The following ST3GAL3 variants were observed in gnomAD, a reference collection of about 807,000 sequenced individuals.
ST3GAL3 encodes ST3 beta-galactoside alpha-2,3-sialyltransferase 3.
In ST3GAL3, 21 loss-of-function variants were observed where a neutral mutation model predicts 50.1. That is an observed-to-expected ratio of 0.42 (90% CI 0.30 to 0.60). ST3GAL3 has a LOEUF of 0.60. Among genes scored for constraint, ST3GAL3 ranks in the 20% least tolerant of loss-of-function variants. The probability of loss-of-function intolerance (pLI) is 0.19; values close to 1 mark genes in which losing one functional copy is unlikely to be tolerated. For missense variants in ST3GAL3, 353 were observed against 489.4 expected (o/e 0.72, Z 2.63); for synonymous variants, 183 against 190.0 (o/e 0.96, Z 0.30).
intron 1 of ST3GAL3, among the ~76,000 whole-genome samples, chr1:43,710,561 G>T (rs766147907): frequency 6.6e-6 from 1 of 152,156 alleles, no homozygotes; most frequent in Non-Finnish European, 1.5e-5. Context: ...CCCATTATCT[G>T]TTGCGTTAGG....
intron 5 of ST3GAL3, among the ~76,000 whole-genome samples, chr1:43,870,178 G>A (rs954624634): frequency 2.0e-5 from 3 of 152,226 alleles, no homozygotes; most frequent in African/African-American, 7.2e-5. Flanking sequence ...AAATTAGGGG[G>A]AATGCCTGCC....
At chr1:43,732,176 C>T (rs1235713941) in intron 1 of ST3GAL3, among the ~76,000 whole-genome samples, 1 of 152,162 alleles carries the variant, frequency 6.6e-6, no homozygotes, top group Non-Finnish European at 1.5e-5. Context: ...TTCTCCTGCC[C>T]TGGCAGATAC....
intron 2 of ST3GAL3, among the ~76,000 whole-genome samples, chr1:43,764,961 C>T (rs1485899743): frequency 6.6e-6 from 1 of 152,206 alleles, no homozygotes; most frequent in Non-Finnish European, 1.5e-5. Context: ...CAGCTTTAGA[C>T]AGAATTGCTT....
chr1:43,710,903 A>G (rs1169671152), intron 1 of ST3GAL3, among the ~76,000 whole-genome samples: 5 of 152,176 alleles, frequency 3.3e-5, no homozygotes, highest in Admixed American at 2.6e-4. Context: ...GCTTCTACCC[A>G]CAGTATAAGA....
chr1:43,755,668 A>G (rs1380312530), intron 2 of ST3GAL3, among the ~76,000 whole-genome samples: 1 of 152,222 alleles, frequency 6.6e-6, no homozygotes, highest in Admixed American at 6.5e-5. Flanking sequence ...TACAAAAACT[A>G]TATGGACGAG....
intron 4 of ST3GAL3, among the ~76,000 whole-genome samples, chr1:43,821,933 A>G (rs2062156221): frequency 6.6e-6 from 1 of 152,264 alleles, no homozygotes. Context: ...CTGAGGATAT[A>G]CCAGTGAACA....
intron 5 of ST3GAL3, among the ~76,000 whole-genome samples, chr1:43,853,336 T>G (rs2067704035): frequency 1.3e-5 from 2 of 152,220 alleles, no homozygotes; most frequent in African/African-American, 4.8e-5. Flanking sequence ...TCAGGTCCCA[T>G]GCTGAGATTT....
At chr1:43,901,874 C>T (rs1571013901) in intron 9 of ST3GAL3, among the ~76,000 whole-genome samples, 1 of 152,314 alleles carries the variant, frequency 6.6e-6, no homozygotes, top group East Asian at 1.9e-4. Context: ...TTCCTTGGCT[C>T]CAAAGTGAAA....
Position 43,809,078 on chromosome 1 carries a change from T to C in ST3GAL3, c.167-5813T>C, listed in dbSNP as rs112029826. On this transcript the variant is annotated intron_variant, in intron 3 of 11. Transcript: ENST00000347631. The stretch of plus-strand genomic sequence containing the variant: ...CCCCAACAAGGTAAAATTCACATGG[T>C]TGGCAGCCAATCAGAAATTACAAGG... Among the ~76,000 whole-genome samples, 526 of 152,112 alleles carry C rather than the reference T, an allele frequency of 3.5e-3. 4 individuals carry two copies. Among genetic ancestry groups the C allele is most frequent in the Non-Finnish European group, 5.8e-3 (392 of 68,018 alleles).
Position 43,858,405 on chromosome 1 carries a change from G to C in ST3GAL3, c.302+20094G>C, listed in dbSNP as rs530041335. ...CCAGCCTAGGAGCAGGAACTGTAGGGATGCTTAGAAGCACAGTCCCTGGTG... is the reference window on the plus strand; with the variant it reads ...CCAGCCTAGGAGCAGGAACTGTAGGCATGCTTAGAAGCACAGTCCCTGGTG... On this transcript the variant is annotated intron_variant, in intron 5 of 11. Transcript: ENST00000347631. 40 of 1,088,468 alleles carry C rather than the reference G, an allele frequency of 3.7e-5. No individual in the cohort carries two copies. The African/African-American group carries it at 4.1e-4, about 11-fold the overall frequency. 67.4% of individuals were successfully genotyped at this position (1,088,468 alleles called of 1,614,324 possible).
intron 5 of ST3GAL3, among the ~76,000 whole-genome samples, chr1:43,854,725 C>A (rs2068005270): frequency 6.6e-6 from 1 of 152,242 alleles, no homozygotes. Flanking sequence ...ATCCAACGCA[C>A]CGAATTTCCA....
At chr1:43,858,315 C>T (rs527955148) in intron 5 of ST3GAL3, 3 of 1,265,602 alleles carry the variant, frequency 2.4e-6, no homozygotes, top group Admixed American at 4.7e-5. Context: ...AAAGGTGGGG[C>T]TTCGGCAGCA....
intron 5 of ST3GAL3, among the ~76,000 whole-genome samples, chr1:43,888,850 G>A (rs2076320256): frequency 6.6e-6 from 1 of 152,196 alleles, no homozygotes; most frequent in South Asian, 2.1e-4. Context: ...CACAATCCCT[G>A]TGGAGGGGAA....
At chr1:43,841,334 G>T (rs944665819) in intron 5 of ST3GAL3, 14 of 152,212 alleles carry the variant, frequency 9.2e-5, no homozygotes, top group African/African-American at 3.4e-4. Context: ...GAGGTTTTCT[G>T]TGAGGGCTCC....
At chr1:43,735,795 G>A (rs1678140897) in intron 1 of ST3GAL3, among the ~76,000 whole-genome samples, 1 of 152,252 alleles carries the variant, frequency 6.6e-6, no homozygotes, top group South Asian at 2.1e-4. Flanking sequence ...AGGGGTTTAA[G>A]CAGGGATATT....
chr1:43,852,895 T>A (rs2067609735), intron 5 of ST3GAL3, among the ~76,000 whole-genome samples: 1 of 152,074 alleles, frequency 6.6e-6, no homozygotes, highest in Admixed American at 6.5e-5. Context: ...GTTAGACACT[T>A]AATTAAGTGA....
intron 4 of ST3GAL3, among the ~76,000 whole-genome samples, chr1:43,824,093 T>C (rs1326923229): frequency 6.6e-6 from 1 of 152,186 alleles, no homozygotes; most frequent in Non-Finnish European, 1.5e-5. Flanking sequence ...GCATAGTAAA[T>C]ATTCAGTAAA....
At chr1:43,746,993 T>G (rs1684007974) in intron 2 of ST3GAL3, among the ~76,000 whole-genome samples, 1 of 146,884 alleles carries the variant, frequency 6.8e-6, no homozygotes, top group African/African-American at 2.5e-5. Context: ...GTCAAAATCC[T>G]GACCTCAAGT....
chr1:43,891,461 C>T (rs1351344306), intron 5 of ST3GAL3, among the ~76,000 whole-genome samples: 5 of 152,120 alleles, frequency 3.3e-5, no homozygotes, highest in Non-Finnish European at 1.5e-5. Context: ...CCCAGCTACT[C>T]GGGAGGCTGA....
Sources: gnomAD v4.1 joint callset for allele counts (sites outside exome capture counted in the v4.1 genomes callset) on GRCh38, gnomAD v4.1.1 for gene constraint, MANE v1.5 for transcripts, NCBI Gene and HGNC (gene_info 2026-07-23, HGNC 2026-07-21) for gene names.